STS: variants seen among roughly 807,000 people sequenced by gnomAD.
The protein encoded by STS is steroid sulfatase, also known as steryl-sulfatase.
In STS, 7 loss-of-function variants were observed where a neutral mutation model predicts 26.8. The ratio of observed to expected loss-of-function variants is 0.26; its 90% CI spans 0.15 to 0.49. The LOEUF (loss-of-function observed/expected upper bound fraction) is 0.49. STS is among the 20% of genes least tolerant of loss of function. The probability of loss-of-function intolerance (pLI) is 0.98; values close to 1 mark genes in which losing one functional copy is unlikely to be tolerated. For missense variants in STS, 434 were observed against 465.6 expected (o/e 0.93, Z 0.63); for synonymous variants, 199 against 189.4 (o/e 1.05, Z -0.42).
rs1178578773 is a variant in STS, at chrX:7,349,316, C to CTTTTTT, written c.1364-540_1364-535dup. Among the ~76,000 whole-genome samples, 9 of 52,885 alleles carry CTTTTTT rather than the reference C, an allele frequency of 1.7e-4. 1 individual carries two copies. Among genetic ancestry groups the CTTTTTT allele is most frequent in the African/African-American group, 4.4e-4 (6 of 13,642 alleles). The allele number at this position is 52,885 out of a possible 115,157, so 45.9% of individuals were successfully genotyped here. On this transcript the variant is annotated intron_variant, in intron 10 of 10. Coordinates refer to ENST00000674429, the MANE Select transcript of STS (RefSeq NM_001320752.2). ...GCTGCACTCGGCCCTCATTTAATTC[C>CTTTTTT]TTTTTTTTTTTTTTTTTTTTTTTTT...
intron 1 of STS, among the ~76,000 whole-genome samples, chrX:7,175,644 G>A (rs750252524): frequency 4.5e-5 from 5 of 112,131 alleles, no homozygotes; most frequent in Admixed American, 9.5e-5. Flanking sequence ...CTTAGTACAC[G>A]ATAATGGCAG....
chrX:7,330,602 C>T (rs1927700647), intron 9 of STS, among the ~76,000 whole-genome samples: 1 of 112,622 alleles, frequency 8.9e-6, no homozygotes, highest in African/African-American at 3.2e-5. Context: ...ATGGATTTAG[C>T]TGACTTCTCC....
At chrX:7,327,203 A>T (rs1927519244) in intron 9 of STS, among the ~76,000 whole-genome samples, 1 of 110,583 alleles carries the variant, frequency 9.0e-6, no homozygotes, top group South Asian at 3.9e-4. Flanking sequence ...TAAAAAGGTG[A>T]TAGTGAGAAA....
chrX:7,259,802 C>G (rs1449667180), intron 6 of STS, 30 bp downstream of exon 6: 1 of 1,198,813 alleles, frequency 8.3e-7, no homozygotes, highest in South Asian at 1.8e-5. Context: ...CTGATGCTGC[C>G]TGTTAAAAAA....
Position 7,353,512 on chromosome X carries a change from G to A in STS, c.*3251G>A, listed in dbSNP as rs751282154. 2 of 110,239 alleles carry A rather than the reference G, an allele frequency of 1.8e-5. No homozygotes were observed. Among genetic ancestry groups the A allele is most frequent in the South Asian group, 4.0e-4 (1 of 2,522 alleles). 9.1% of individuals were successfully genotyped at this position (110,239 alleles called of 1,213,427 possible). A position where few individuals can be genotyped will look rare whatever the true frequency, so the allele number is the denominator to read the frequency against. Reference sequence around the variant, plus strand: ...CTTTGTGGCCCATGAAAGTCTTACTGGGCCCTGGGGAAGGTATCCTACCCT... The same window carrying A: ...CTTTGTGGCCCATGAAAGTCTTACTAGGCCCTGGGGAAGGTATCCTACCCT... On this transcript the variant is annotated 3_prime_UTR_variant, in exon 11 of 11. Coordinates refer to ENST00000674429, the MANE Select transcript of STS (RefSeq NM_001320752.2).
intron 2 of STS, among the ~76,000 whole-genome samples, chrX:7,202,738 C>A (rs1156580981): frequency 4.5e-5 from 5 of 111,071 alleles, no homozygotes; most frequent in African/African-American, 1.6e-4. Context: ...GAGGGTGTTT[C>A]CAGAGGGCAT....
intron 2 of STS, among the ~76,000 whole-genome samples, chrX:7,212,198 G>A (rs765958842): frequency 8.9e-6 from 1 of 112,446 alleles, no homozygotes; most frequent in East Asian, 2.8e-4. Context: ...GCCAAGCACA[G>A]TGGCTGATGC....
intron 10 of STS, among the ~76,000 whole-genome samples, chrX:7,338,299 G>T (rs1928122270): frequency 1.8e-5 from 2 of 111,919 alleles, no homozygotes; most frequent in South Asian, 7.4e-4. Flanking sequence ...TTTTTAAGCT[G>T]ATGACTGTAG....
chrX:7,219,300 A>G (rs1309489618), intron 2 of STS: 24 of 501,141 alleles, frequency 4.8e-5, no homozygotes, highest in African/African-American at 2.4e-4. Flanking sequence ...CCGCTTGGGT[A>G]TCAGATTGTG....
intron 6 of STS, among the ~76,000 whole-genome samples, chrX:7,274,918 A>G (rs1353185118): frequency 8.9e-6 from 1 of 112,210 alleles, no homozygotes; most frequent in Admixed American, 9.4e-5. Context: ...GATGAAAGTA[A>G]TTGACAACTG....
chrX:7,243,924 C>T (rs1207758982), intron 2 of STS, among the ~76,000 whole-genome samples: 2 of 111,475 alleles, frequency 1.8e-5, no homozygotes, highest in Non-Finnish European at 3.8e-5. Flanking sequence ...AAAAGATTAG[C>T]CAGCTGAGGT....
chrX:7,270,661 C>A (rs1227484470), intron 6 of STS, among the ~76,000 whole-genome samples: 1 of 111,945 alleles, frequency 8.9e-6, no homozygotes, highest in Non-Finnish European at 1.9e-5. Context: ...GAATAAAAAA[C>A]CACTGCTTTA....
intron 2 of STS, among the ~76,000 whole-genome samples, chrX:7,226,047 C>T (rs924586793): frequency 1.3e-3 from 145 of 111,244 alleles, no homozygotes; most frequent in African/African-American, 4.3e-3. Context: ...TTCAATGTTC[C>T]GTTTAAGTTT....
intron 10 of STS, among the ~76,000 whole-genome samples, chrX:7,338,487 A>C (rs1186365284): frequency 8.9e-6 from 1 of 112,093 alleles, no homozygotes; most frequent in Non-Finnish European, 1.9e-5. Flanking sequence ...CAAGAAAGTC[A>C]CATATATTTA....
intron 7 of STS, among the ~76,000 whole-genome samples, chrX:7,289,924 G>A (rs1226368266): frequency 9.0e-6 from 1 of 111,460 alleles, no homozygotes; most frequent in Non-Finnish European, 1.9e-5. Context: ...CAAAATGTTG[G>A]GATTACAGAC....
intron 6 of STS, among the ~76,000 whole-genome samples, chrX:7,272,427 G>C (rs918065191): frequency 5.2e-4 from 58 of 110,860 alleles, no homozygotes; most frequent in African/African-American, 1.9e-3. Flanking sequence ...CTCTGCTCTA[G>C]AGCAACTGTT....
intron 1 of STS, among the ~76,000 whole-genome samples, chrX:7,172,092 G>A (rs1303415302): frequency 9.0e-6 from 1 of 111,670 alleles, no homozygotes; most frequent in East Asian, 2.8e-4. Flanking sequence ...CATCCCACCT[G>A]AATACATTTT....
chrX:7,202,980 G>C (rs1439486935), intron 2 of STS, among the ~76,000 whole-genome samples: 1 of 110,279 alleles, frequency 9.1e-6, no homozygotes, highest in Non-Finnish European at 1.9e-5. Flanking sequence ...GTCTCTCTGT[G>C]TCTCTCTCCC....
chrX:7,343,765 GC>G (rs1279865115), intron 10 of STS, among the ~76,000 whole-genome samples: 18 of 111,499 alleles, frequency 1.6e-4, no homozygotes, highest in Non-Finnish European at 3.4e-4. Context: ...AGCACCCCCC[GC>G]CCCTCCCGGG....
Sources: gnomAD v4.1 joint callset for allele counts (sites outside exome capture counted in the v4.1 genomes callset) on GRCh38, gnomAD v4.1.1 for gene constraint, MANE v1.5 for transcripts, NCBI Gene and HGNC (gene_info 2026-07-23, HGNC 2026-07-21) for gene names.